The following PSMD11 variants were observed in gnomAD, a reference collection of about 807,000 sequenced individuals.
PSMD11 encodes the protein 26S proteasome non-ATPase regulatory subunit 11.
Under a neutral mutation model 62.3 loss-of-function variants are expected in PSMD11, and 5 were observed. That is an observed-to-expected ratio of 0.08 (90% CI 0.04 to 0.17). PSMD11 has a LOEUF of 0.17. Ranked by LOEUF, PSMD11 falls within the 10% of genes least tolerant of loss-of-function variation. The pLI, the probability that PSMD11 is intolerant of heterozygous loss-of-function variation, is 1.00. For missense variants in PSMD11, 310 were observed against 512.9 expected, an observed-to-expected ratio of 0.60 and a Z score of 3.82; for synonymous variants, 191 against 191.8, an observed-to-expected ratio of 1.00 and a Z score of 0.03.
chr17:32,473,555 T>C (rs1908234215), intron 6 of PSMD11, among the ~76,000 whole-genome samples: 3 of 151,882 alleles, frequency 2.0e-5, no homozygotes, highest in African/African-American at 4.8e-5. Flanking sequence ...GCTGGGATTA[T>C]AGGCGTGAGC....
chr17:32,457,889 C>T (rs1907697584), intron 3 of PSMD11, among the ~76,000 whole-genome samples: 1 of 151,840 alleles, frequency 6.6e-6, no homozygotes, highest in Non-Finnish European at 1.5e-5. Flanking sequence ...CAACCTCTGC[C>T]TCCTGGGTTC....
chr17:32,482,056 C>G lies in PSMD11; in HGVS notation c.*1304C>G, dbSNP rs897647327. 2.7e-5 allele frequency: 4 copies of G among 149,510 alleles called. No individual in the cohort carries two copies. Among genetic ancestry groups the G allele is most frequent in the African/African-American group, 9.9e-5 (4 of 40,588 alleles). 9.3% of individuals were successfully genotyped at this position (149,510 alleles called of 1,614,324 possible). A position where few individuals can be genotyped will look rare whatever the true frequency, so the allele number is the denominator to read the frequency against. ...CTCCTCTTTGTCTTTTTCTCTTTTC[C>G]TCTCCTTCCTGCCTTCTTCTGCTGG... On this transcript the variant is annotated 3_prime_UTR_variant, in exon 14 of 14. Coordinates refer to ENST00000261712, the MANE Select transcript of PSMD11 (RefSeq NM_002815.4).
In PSMD11 at chr17:32,464,139, C is replaced by T. The variant is rs1279611266; in HGVS notation, c.390+19C>T. The stretch of plus-strand genomic sequence containing the variant: ...TTTGGAGGTAGGTTTTACATTAGTA[C>T]TCATTTCAGGTCTCTAAGCATGAGA... On this transcript the variant is annotated intron_variant, in intron 4 of 13. Transcript: ENST00000261712. 1 of 1,597,868 alleles carries T rather than the reference C, an allele frequency of 6.3e-7. No homozygotes were observed.
chr17:32,458,147 TA>T (rs1408637430), intron 3 of PSMD11, among the ~76,000 whole-genome samples: 2 of 152,190 alleles, frequency 1.3e-5, no homozygotes, highest in African/African-American at 4.8e-5. Flanking sequence ...AATTTTTTTT[TA>T]CTTGGACTAC....
At chr17:32,460,506 G>A (rs1907794730) in intron 3 of PSMD11, among the ~76,000 whole-genome samples, 1 of 152,184 alleles carries the variant, frequency 6.6e-6, no homozygotes, top group South Asian at 2.1e-4. Flanking sequence ...CAGGCATGGT[G>A]GCTCACGCCT....
chr17:32,462,303 T>C (rs1003321102), intron 3 of PSMD11, among the ~76,000 whole-genome samples: 10 of 152,264 alleles, frequency 6.6e-5, no homozygotes, highest in Admixed American at 4.6e-4. Context: ...TAAACACTTA[T>C]ATTTCCTTTG....
At chr17:32,470,258 G>T (rs1908126200) in intron 6 of PSMD11, among the ~76,000 whole-genome samples, 1 of 151,710 alleles carries the variant, frequency 6.6e-6, no homozygotes, top group Non-Finnish European at 1.5e-5. Flanking sequence ...TCCCACCTTG[G>T]CCTCTCAAAG....
intron 10 of PSMD11, chr17:32,479,639 T>C: frequency 2.8e-6 from 2 of 702,094 alleles, no homozygotes; most frequent in Non-Finnish European, 4.7e-6. Context: ...ACCTGTTTTC[T>C]GTATTGGGTG....
chr17:32,463,900 C>A, intron 3 of PSMD11, 149 bp from the exon 4 acceptor site: 1 of 711,760 alleles, frequency 1.4e-6, no homozygotes, highest in Non-Finnish European at 2.5e-6. Context: ...TATGATATAA[C>A]TATTACACAT....
chr17:32,449,024 C>T (rs1326226137), intron 2 of PSMD11, among the ~76,000 whole-genome samples: 1 of 152,056 alleles, frequency 6.6e-6, no homozygotes, highest in Non-Finnish European at 1.5e-5. Context: ...TTGGGGGGTT[C>T]CAAAACAGTT....
In PSMD11 at chr17:32,480,647, A is replaced by C. The variant is rs1431176981; in HGVS notation, c.*16A>C. On this transcript the variant is annotated intron_variant, in intron 13 of 13. Transcript: ENST00000261712. ...ACTGACATAGGTGAGTGCTGGCTTC[A>C]GGACCCCAGGGCTGGGCAGCTCTGT... The C allele has an allele frequency of 1.9e-6, 3 of 1,613,796 alleles. No individual in the cohort carries two copies. Among genetic ancestry groups the C allele is most frequent in the Non-Finnish European group, 2.5e-6 (3 of 1,179,842 alleles).
intron 2 of PSMD11, among the ~76,000 whole-genome samples, chr17:32,451,164 A>G (rs1725617317): frequency 6.6e-6 from 1 of 151,932 alleles, no homozygotes. Context: ...GTAGGGGGAC[A>G]ACTAAGAGAT....
At chr17:32,480,086 T>C in intron 11 of PSMD11, 60 bp from the exon 12 acceptor site, 1 of 1,568,366 alleles carries the variant, frequency 6.4e-7, no homozygotes, top group South Asian at 1.1e-5. Flanking sequence ...AAAGCTACTG[T>C]GTCAGGGTGA....
rs780123097 is a variant in PSMD11 at position 32,465,603 on chromosome 17, A to G, written c.448+1025A>G. On this transcript the variant is annotated intron_variant, in intron 5 of 13. Transcript: ENST00000261712. ...TAAGATATGGTTCACTTACCATAAAATTCACTTTTAAAGTGTATAATCCAG... is the reference window on the plus strand; with the variant it reads ...TAAGATATGGTTCACTTACCATAAAGTTCACTTTTAAAGTGTATAATCCAG... 4.7e-4 allele frequency among the ~76,000 whole-genome samples: 71 copies of G among 152,196 alleles called. 1 individual carries two copies. The highest frequency in any genetic ancestry group is 1.3e-4 in the Non-Finnish European group (9 of 68,028).
chr17:32,462,606 G>A (rs937848943), intron 3 of PSMD11, among the ~76,000 whole-genome samples: 1 of 152,190 alleles, frequency 6.6e-6, no homozygotes, highest in Admixed American at 6.5e-5. Flanking sequence ...TATTTACAGA[G>A]CTAGAATTTA....
At chr17:32,454,281 A>C (rs1414051599) in intron 2 of PSMD11, among the ~76,000 whole-genome samples, 1 of 152,220 alleles carries the variant, frequency 6.6e-6, no homozygotes, top group Non-Finnish European at 1.5e-5. Context: ...CCAGTGGCTG[A>C]GTAGGGAACA....
At chr17:32,473,522 C>T (rs1366372744) in intron 6 of PSMD11, among the ~76,000 whole-genome samples, 4 of 152,070 alleles carry the variant, frequency 2.6e-5, no homozygotes, top group Admixed American at 2.0e-4. Flanking sequence ...TCAGGTGATC[C>T]GCCTGCCTCA....
chr17:32,451,282 G>C (rs928997017), intron 2 of PSMD11, among the ~76,000 whole-genome samples: 3 of 152,192 alleles, frequency 2.0e-5, no homozygotes, highest in African/African-American at 7.2e-5. Flanking sequence ...TTTCACTTCT[G>C]CCTTTTCTAG....
At chr17:32,460,966 A>T (rs968252424) in intron 3 of PSMD11, among the ~76,000 whole-genome samples, 1 of 152,046 alleles carries the variant, frequency 6.6e-6, no homozygotes, top group African/African-American at 2.4e-5. Flanking sequence ...GAGGGAAGGA[A>T]GACTGAACCA....
Sources: gnomAD v4.1 joint callset for allele counts (sites outside exome capture counted in the v4.1 genomes callset) on GRCh38, gnomAD v4.1.1 for gene constraint, MANE v1.5 for transcripts, NCBI Gene and HGNC (gene_info 2026-07-23, HGNC 2026-07-21) for gene names.